Variants in BAZ1A observed in about 807,000 individuals in gnomAD.
BAZ1A encodes bromodomain adjacent to zinc finger domain 1A, also known as bromodomain adjacent to zinc finger domain protein 1A.
BAZ1A carries 50 observed loss-of-function variants against 185.2 expected under a neutral mutation model. That is an observed-to-expected ratio of 0.27 (90% CI 0.22 to 0.34). BAZ1A has a LOEUF of 0.34. BAZ1A is among the 10% of genes least tolerant of loss of function. The pLI is 1.00. For synonymous variants in BAZ1A, 571 were observed against 615.6 expected (o/e 0.93, Z 1.07); for missense variants, 1,356 against 1,839.9 (o/e 0.74, Z 4.81).
intron 3 of BAZ1A, among the ~76,000 whole-genome samples, chr14:34,846,262 T>A (rs2138775926): frequency 6.6e-6 from 1 of 152,236 alleles, no homozygotes. Context: ...TAATCATCTT[T>A]CTTAAATAAG....
At position 34,754,859 on chromosome 14, in the gene BAZ1A, T is replaced by C. The variant is rs1382262520; in HGVS notation, c.4442A>G (p.Glu1481Gly). 4 of 1,603,514 alleles carry C rather than the reference T, an allele frequency of 2.5e-6. No individual in the cohort carries two copies. The highest frequency in any genetic ancestry group is 3.4e-6 in the Non-Finnish European group (4 of 1,174,860). The change falls in exon 26 of 27, where the codon GAA becomes GGA. Residue 1481 changes from glutamate (E) to glycine (G), a missense_variant. Glu to Gly is a moderately conservative substitution (Grantham distance 98). This residue lies in a region of BAZ1A where 61 missense variants were observed against 117.9 expected (regional missense o/e 0.52). Coordinates refer to ENST00000360310, the MANE Select transcript of BAZ1A (RefSeq NM_013448.3). ...KKPIALNIIR[E>G]KVNKCEYKLA... ...TTTATATTCACACTTATTCACTTTT[T>C]CACGAATTATATTTAAGGCAATGGG...
intron 3 of BAZ1A, among the ~76,000 whole-genome samples, chr14:34,855,236 T>C (rs2042658306): frequency 6.6e-6 from 1 of 152,192 alleles, no homozygotes; most frequent in Non-Finnish European, 1.5e-5. Flanking sequence ...TTGTAACAAG[T>C]AGCTAAGTCT....
intron 4 of BAZ1A, among the ~76,000 whole-genome samples, chr14:34,816,323 G>A (rs1035037484): frequency 6.6e-5 from 10 of 151,890 alleles, no homozygotes; most frequent in Non-Finnish European, 1.2e-4. Flanking sequence ...TCCTGACCTC[G>A]TGATCCACCC....
intron 23 of BAZ1A, among the ~76,000 whole-genome samples, 173 bp downstream of exon 23, chr14:34,764,534 T>C (rs8013484): frequency 0.31 from 46,518 of 151,928 alleles, 7,264 homozygotes; most frequent in Non-Finnish European, 0.36. Flanking sequence ...TCAGGTGATC[T>C]GCCTGCCTCA....
At position 34,784,367 on chromosome 14, in the gene BAZ1A, CAAAAAAAAAAAAAAAAA is replaced by C. The variant is rs368815964; in HGVS notation, c.1832-457_1832-441del. Among the ~76,000 whole-genome samples the C allele has an allele frequency of 1.9e-4, 15 of 77,178 alleles. No homozygotes were observed. The South Asian group carries it at 6.7e-3, about 34-fold the overall frequency. The allele number at this position is 77,178 out of a possible 152,430, so 50.6% of individuals were successfully genotyped here. ...TGGGCAACTGAGTGAGACTCTGTCT[CAAAAAAAAAAAAAAAAA>C]AAAAAAAAAAAGGCAACTTTGAATC... On this transcript the variant is annotated intron_variant, in intron 14 of 26. Coordinates refer to ENST00000360310, the MANE Select transcript of BAZ1A (RefSeq NM_013448.3).
rs865862122 is a variant in BAZ1A at position 34,794,835 on chromosome 14, C to G, written c.1277G>C (p.Gly426Ala). Residue 426 changes from glycine (G) to alanine (A), a missense_variant, in exon 11 of 27, where the codon GGT becomes GCT. By Grantham distance (60) the Gly-to-Ala change is moderately conservative. This residue lies in a region of BAZ1A where 184 missense variants were observed against 355.1 expected (regional missense o/e 0.52). Coordinates refer to ENST00000360310, the MANE Select transcript of BAZ1A (RefSeq NM_013448.3). Reference sequence around the variant, plus strand: ...GAACTCCAAAACCATCAGAGCATCACCAAAGATTTCAGGAGGTAGTCTAGT... The same window carrying G: ...GAACTCCAAAACCATCAGAGCATCAGCAAAGATTTCAGGAGGTAGTCTAGT... ...VKTRLPPEIF[G>A]DALMVLEFLN... The G allele has an allele frequency of 1.2e-5, 19 of 1,613,996 alleles. No homozygotes were observed.
At chr14:34,826,219 G>T in intron 3 of BAZ1A, 63 bp from the exon 4 acceptor site, 1 of 1,533,742 alleles carries the variant, frequency 6.5e-7, no homozygotes, top group Non-Finnish European at 8.9e-7. Flanking sequence ...AAACATGTCA[G>T]AGCAATCGAA....
chr14:34,819,294 G>T (rs1276085366), intron 4 of BAZ1A, among the ~76,000 whole-genome samples: 2 of 152,022 alleles, frequency 1.3e-5, no homozygotes, highest in Non-Finnish European at 2.9e-5. Flanking sequence ...CCATGGATAT[G>T]GGAGCACTAC....
At chr14:34,757,949 G>A (rs990701852) in intron 25 of BAZ1A, among the ~76,000 whole-genome samples, 2 of 150,912 alleles carry the variant, frequency 1.3e-5, no homozygotes, top group Non-Finnish European at 3.0e-5. Context: ...GGGTTTCACT[G>A]TGTTAGCCAG....
Position 34,874,240 on chromosome 14 carries a change from C to T in BAZ1A, c.113+252G>A, listed in dbSNP as rs2043003198. ...GGCGACAGCAGCGGCTAGGAGCGGT[C>T]CCCGAGGCCGGCCAGGGACCCAGCC... is the stretch of plus-strand genomic sequence containing the variant. On this transcript the variant is annotated intron_variant, in intron 2 of 26. Coordinates refer to ENST00000360310, the MANE Select transcript of BAZ1A (RefSeq NM_013448.3). The surrounding 1 kb of genome is among the most constrained non-coding windows in gnomAD (Gnocchi z 4.7). The T allele has an allele frequency of 4.9e-6, 2 of 410,652 alleles. No homozygotes were observed. The highest frequency in any genetic ancestry group is 4.9e-5 in the Admixed American group (1 of 20,552). 25.4% of individuals were successfully genotyped at this position (410,652 alleles called of 1,614,324 possible).
intron 3 of BAZ1A, among the ~76,000 whole-genome samples, chr14:34,854,082 G>A (rs2042638125): frequency 7.7e-6 from 1 of 129,368 alleles, no homozygotes; most frequent in Non-Finnish European, 1.8e-5. Flanking sequence ...TGAAATTTAA[G>A]TGAAAGGGAT....
At chr14:34,873,123 G>A (rs567787265) in intron 2 of BAZ1A, among the ~76,000 whole-genome samples, 1 of 152,168 alleles carries the variant, frequency 6.6e-6, no homozygotes, top group East Asian at 1.9e-4. Flanking sequence ...CTGTGGAGCT[G>A]AAGAAAAAGG....
chr14:34,805,409 T>G (rs1354281665), intron 6 of BAZ1A, among the ~76,000 whole-genome samples: 1 of 152,236 alleles, frequency 6.6e-6, no homozygotes, highest in Non-Finnish European at 1.5e-5. Context: ...GCTGATGTCT[T>G]TCATCACCAT....
rs114072329 is a variant in BAZ1A at position 34,768,887 on chromosome 14, T to A, written c.3301+2624A>T. 7.5e-3 allele frequency: 1,908 copies of A among 252,982 alleles called. 40 individuals carry two copies. Among genetic ancestry groups the A allele is most frequent in the African/African-American group, 0.04 (1,745 of 43,354 alleles). 15.7% of individuals were successfully genotyped at this position (252,982 alleles called of 1,614,324 possible). On this transcript the variant is annotated intron_variant, in intron 21 of 26. Transcript: ENST00000360310. ...ACAGAATTATCAATCTTAAAAAACATCCTCATGTATCTTACCTAAAACAAA... is the reference window on the plus strand; with the variant it reads ...ACAGAATTATCAATCTTAAAAAACAACCTCATGTATCTTACCTAAAACAAA...
At chr14:34,847,216 T>C (rs1594898836) in intron 3 of BAZ1A, among the ~76,000 whole-genome samples, 1 of 149,432 alleles carries the variant, frequency 6.7e-6, no homozygotes, top group African/African-American at 2.5e-5. Flanking sequence ...CCAGACTGGG[T>C]GACAGAGCGA....
At chr14:34,861,096 A>C (rs1566601943) in intron 3 of BAZ1A, among the ~76,000 whole-genome samples, 1 of 152,236 alleles carries the variant, frequency 6.6e-6, no homozygotes, top group Non-Finnish European at 1.5e-5. Context: ...ATAAGATAAT[A>C]GTAACAACAT....
intron 3 of BAZ1A, among the ~76,000 whole-genome samples, chr14:34,829,077 C>A (rs2042202580): frequency 6.6e-6 from 1 of 152,082 alleles, no homozygotes; most frequent in Non-Finnish European, 1.5e-5. Context: ...ACCAGCTTGG[C>A]CAACATGGCG....
At position 34,874,557 on chromosome 14, in the gene BAZ1A, C is replaced by T; in HGVS notation, c.48G>A (p.Ala16=). 1 of 1,611,838 alleles carries T rather than the reference C, an allele frequency of 6.2e-7. No homozygotes were observed. The highest frequency in any genetic ancestry group is 8.5e-7 in the Non-Finnish European group (1 of 1,179,054). Residue 16 remains alanine (A), a synonymous_variant, in exon 2 of 27, where the codon GCG becomes GCA. Coordinates refer to ENST00000360310, the MANE Select transcript of BAZ1A (RefSeq NM_013448.3). This position sits in a 1 kb window ranked among gnomAD's most constrained non-coding sequence, Gnocchi z 4.7. The stretch of plus-strand genomic sequence containing the variant: ...AAACTTCCTCGTCGGGCCGCAGGTC[C>T]GCGGGCGGCTTCTGTCTCACAAACG... ...RKPFVRQKPP[A]DLRPDEEVFY...
At chr14:34,801,709 G>A (rs542179302) in intron 7 of BAZ1A, among the ~76,000 whole-genome samples, 25 of 152,254 alleles carry the variant, frequency 1.6e-4, no homozygotes, top group Non-Finnish European at 2.9e-4. Context: ...GGGCGTTTGA[G>A]AGCAGCCTGG....
Sources: gnomAD v4.1 joint callset for allele counts (sites outside exome capture counted in the v4.1 genomes callset) on GRCh38, gnomAD v4.1.1 for gene constraint, gnomAD v4.1.1 regional missense constraint, Gnocchi (gnomAD v3.1) non-coding constraint, MANE v1.5 for transcripts, NCBI Gene and HGNC (gene_info 2026-07-23, HGNC 2026-07-21) for gene names.